TM9SF4: variants seen among roughly 807,000 people sequenced by gnomAD.
The protein encoded by TM9SF4 is transmembrane 9 superfamily member 4.
TM9SF4 carries 26 observed loss-of-function variants against 90.4 expected under a neutral mutation model. That is an observed-to-expected ratio of 0.29 (90% CI 0.21 to 0.40). TM9SF4 has a LOEUF of 0.40. TM9SF4 is among the 10% of genes least tolerant of loss of function. The pLI is 1.00. For missense variants in TM9SF4, 549 were observed against 834.8 expected, an observed-to-expected ratio of 0.66 and a Z score of 4.22; for synonymous variants, 293 against 315.4, an observed-to-expected ratio of 0.93 and a Z score of 0.75.
At chr20:32,155,369 T>TGCCCTG (rs1450816380) in intron 13 of TM9SF4, among the ~76,000 whole-genome samples, 183 bp downstream of exon 13, 1 of 152,200 alleles carries the variant, frequency 6.6e-6, no homozygotes, top group Non-Finnish European at 1.5e-5. Context: ...TGGTGTGTCA[T>TGCCCTG]GCCCTGGCCC....
chr20:32,113,416 G>A (rs1323759681), intron 1 of TM9SF4, among the ~76,000 whole-genome samples: 2 of 152,120 alleles, frequency 1.3e-5, no homozygotes, highest in Admixed American at 1.3e-4. Flanking sequence ...CTTAGATTTA[G>A]ACTACTCTGT....
intron 15 of TM9SF4, 63 bp from the exon 16 acceptor site, chr20:32,159,929 G>A (rs2046989794): frequency 3.1e-6 from 5 of 1,607,436 alleles, no homozygotes; most frequent in Non-Finnish European, 4.3e-6. Context: ...GTGACAGGTT[G>A]GTGTGCCAGG....
chr20:32,150,797 C>T lies in TM9SF4; in HGVS notation c.1170-3C>T. ...GGTGTGGATCCCTGCCATTTTCCCA[C>T]AGGGTGTTTGGCGGATTTTCTGCTG... On this transcript the variant is annotated splice_polypyrimidine_tract_variant and splice_region_variant and intron_variant, in intron 11 of 17. Coordinates refer to ENST00000398022, the MANE Select transcript of TM9SF4 (RefSeq NM_014742.4). The T allele has an allele frequency of 6.2e-7, 1 of 1,614,140 alleles. No individual in the cohort carries two copies. Among genetic ancestry groups the T allele is most frequent in the South Asian group, 1.1e-5 (1 of 91,088 alleles).
Position 32,159,867 on chromosome 20 carries a change from C to G in TM9SF4, c.1570-125C>G, listed in dbSNP as rs1379042959. ...GGGGAAGAGGGGCCAGAGCCACATG[C>G]CAGGCCCACGGGCCCTGATGGTGTC... On this transcript the variant is annotated intron_variant, in intron 15 of 17. Coordinates refer to ENST00000398022, the MANE Select transcript of TM9SF4 (RefSeq NM_014742.4). 5.8e-6 allele frequency: 8 copies of G among 1,374,256 alleles called. No individual in the cohort carries two copies. The African/African-American group carries it at 1.1e-4, about 19-fold the overall frequency. The allele number at this position is 1,374,256 out of a possible 1,614,324, so 85.1% of individuals were successfully genotyped here.
intron 1 of TM9SF4, among the ~76,000 whole-genome samples, chr20:32,123,175 GA>G (rs2046354637): frequency 9.0e-5 from 3 of 33,152 alleles, no homozygotes; most frequent in Non-Finnish European, 2.2e-4. Context: ...GGGAGAGGGG[GA>G]GGGGGGGAGG....
chr20:32,145,337 G>T lies in TM9SF4; in HGVS notation c.797G>T (p.Arg266Leu). ...WEESDIKWAS[R>L]WDTYLTMSDV... The stretch of plus-strand genomic sequence containing the variant: ...GAAAGTGATATCAAATGGGCCTCTC[G>T]CTGGGACACTTACCTGACCATGAGT... Residue 266 changes from arginine to leucine, a missense_variant, in exon 8 of 18, where the codon CGC (arginine) becomes CTC (leucine). Transcript: ENST00000398022. The T allele has an allele frequency of 6.2e-7, 1 of 1,614,134 alleles. No homozygotes were observed. The highest frequency in any genetic ancestry group is 8.5e-7 in the Non-Finnish European group (1 of 1,180,028).
intron 9 of TM9SF4, among the ~76,000 whole-genome samples, chr20:32,149,179 C>A (rs934533513): frequency 1.3e-5 from 2 of 152,070 alleles, no homozygotes; most frequent in Middle Eastern, 6.3e-3. Flanking sequence ...ATTTTTATAT[C>A]GTTCTGTTTA....
chr20:32,144,213 G>C (rs1438796613), intron 6 of TM9SF4, among the ~76,000 whole-genome samples: 1 of 152,152 alleles, frequency 6.6e-6, no homozygotes, highest in African/African-American at 2.4e-5. Context: ...CAAAGTGCTT[G>C]GATTACAGGC....
At chr20:32,164,815 A>G (rs1251890335) in intron 17 of TM9SF4, among the ~76,000 whole-genome samples, 1 of 152,194 alleles carries the variant, frequency 6.6e-6, no homozygotes, top group Non-Finnish European at 1.5e-5. Flanking sequence ...AAAGGAGTCC[A>G]AAATGCTCCA....
chr20:32,145,146 G>A lies in TM9SF4; in HGVS notation c.708G>A (p.Ser236=), dbSNP rs201172290. The change falls in exon 7 of 18, where the codon TCG becomes TCA. Residue 236 remains serine (S), a synonymous_variant. Coordinates refer to ENST00000398022, the MANE Select transcript of TM9SF4 (RefSeq NM_014742.4). ...SCTLPEGTNS[S]PQEIDPTKEN... ...CTCTGCCTGAGGGTACCAACTCCTC[G>A]CCCCAAGAAATTGACCCCACCAAGG... The A allele has an allele frequency of 1.1e-5, 17 of 1,614,078 alleles. No homozygotes were observed. Among genetic ancestry groups the A allele is most frequent in the Non-Finnish European group, 1.0e-5 (12 of 1,180,020 alleles).
At chr20:32,127,095 G>A (rs1023413950) in intron 1 of TM9SF4, among the ~76,000 whole-genome samples, 4 of 152,164 alleles carry the variant, frequency 2.6e-5, no homozygotes, top group Non-Finnish European at 4.4e-5. Context: ...GCTAAATCCT[G>A]TTTAATCCTA....
chr20:32,115,171 T>C (rs982994902), intron 1 of TM9SF4, among the ~76,000 whole-genome samples: 1 of 152,188 alleles, frequency 6.6e-6, no homozygotes, highest in Admixed American at 6.5e-5. Flanking sequence ...GGGCCTTGGT[T>C]AAATGTGTTT....
chr20:32,126,625 A>G (rs6142616), intron 1 of TM9SF4, among the ~76,000 whole-genome samples: 64,250 of 151,980 alleles, frequency 0.42, 13,947 homozygotes, highest in East Asian at 0.74. Flanking sequence ...CTGATGGCTC[A>G]TCTGTGTCTC....
At chr20:32,143,843 C>T (rs763252612) in intron 6 of TM9SF4, among the ~76,000 whole-genome samples, 8 of 152,080 alleles carry the variant, frequency 5.3e-5, no homozygotes, top group Non-Finnish European at 1.0e-4. Context: ...GGGAGCTTCC[C>T]GAGCGCAGTT....
Position 32,165,206 on chromosome 20 carries a change from C to T in TM9SF4, c.1780-89C>T, listed in dbSNP as rs1030021093. On this transcript the variant is annotated intron_variant, in intron 17 of 17. Transcript: ENST00000398022. ...CTTCCCCTGGCCAGGCCTCAGTTTC[C>T]CCATGATATCAGTGAGAGTGGGGCC... The T allele has an allele frequency of 4.5e-6, 7 of 1,564,754 alleles. No homozygotes were observed. The African/African-American group carries it at 8.1e-5, about 18-fold the overall frequency.
At chr20:32,160,202 G>C in intron 16 of TM9SF4, 91 bp downstream of exon 16, 1 of 1,566,024 alleles carries the variant, frequency 6.4e-7, no homozygotes, top group Non-Finnish European at 8.7e-7. Context: ...CTGGGTCTGG[G>C]CTCTTCATGT....
chr20:32,143,687 G>A (rs1244522958), intron 6 of TM9SF4, among the ~76,000 whole-genome samples: 4 of 151,680 alleles, frequency 2.6e-5, no homozygotes, highest in Non-Finnish European at 5.9e-5. Context: ...TTTTAATTAA[G>A]CAGCATGCCC....
At position 32,141,652 on chromosome 20, in the gene TM9SF4, T is replaced by G; in HGVS notation, c.385T>G (p.Tyr129Asp). 1 of 1,614,124 alleles carries G rather than the reference T, an allele frequency of 6.2e-7. No homozygotes were observed. The highest frequency in any genetic ancestry group is 8.5e-7 in the Non-Finnish European group (1 of 1,180,018). ...CGTGGCCGAGCGGATCACAGAAGAC[T>G]ACTACGTCCACCTGTAAGTCGCCCT... ...RLVAERITED[Y>D]YVHLIADNLP... The change falls in exon 4 of 18, where the codon TAC becomes GAC. Residue 129 changes from tyrosine (Y) to aspartate (D), a missense_variant. By Grantham distance (160) the Tyr-to-Asp change is radical. Transcript: ENST00000398022.
intron 1 of TM9SF4, among the ~76,000 whole-genome samples, chr20:32,123,100 G>A (rs1192236851): frequency 6.9e-6 from 1 of 145,682 alleles, no homozygotes; most frequent in Non-Finnish European, 1.5e-5. Flanking sequence ...GGAGGTTGCA[G>A]TGAGCCGAGA....
Sources: allele counts gnomAD v4.1 joint callset (sites outside exome capture counted in the v4.1 genomes callset), GRCh38; gene constraint gnomAD v4.1.1; transcripts MANE v1.5; gene names NCBI Gene and HGNC (gene_info 2026-07-23, HGNC 2026-07-21).